HOXA3: variants seen among roughly 807,000 people sequenced by gnomAD.
HOXA3 encodes homeobox A3, also known as homeobox protein Hox-A3.
A neutral mutation model predicts 30.3 loss-of-function variants in HOXA3; 8 were observed. The ratio of observed to expected loss-of-function variants is 0.26; its 90% CI spans 0.15 to 0.48. The LOEUF is 0.48. Among genes scored for constraint, HOXA3 ranks in the 20% least tolerant of loss-of-function variants. The pLI, the probability that HOXA3 is intolerant of heterozygous loss-of-function variation, is 0.99. For missense variants in HOXA3, 653 were observed against 614.4 expected, an observed-to-expected ratio of 1.06 and a Z score of -0.66; for synonymous variants, 323 against 273.1, an observed-to-expected ratio of 1.18 and a Z score of -1.80.
At chr7:27,144,049 T>C (rs1583408752) in intron 1 of HOXA3, among the ~76,000 whole-genome samples, 1 of 152,322 alleles carries the variant, frequency 6.6e-6, no homozygotes, top group East Asian at 1.9e-4. Flanking sequence ...ATGTACCAAT[T>C]GTTAGGCCGT....
intron 3 of HOXA3, among the ~76,000 whole-genome samples, chr7:27,126,442 T>TA (rs35599450): frequency 0.076 from 10,784 of 142,462 alleles, 758 homozygotes; most frequent in African/African-American, 0.19. Context: ...AGGGTTTGCT[T>TA]AAAAAAAAAA....
intron 2 of HOXA3, chr7:27,130,105 C>T (rs1240664797): frequency 2.5e-6 from 4 of 1,590,166 alleles, no homozygotes; most frequent in Non-Finnish European, 3.4e-6. Context: ...GCCTCCCAAG[C>T]GGCGCCACGT....
At chr7:27,126,150 C>G (rs1295511301) in intron 3 of HOXA3, among the ~76,000 whole-genome samples, 1 of 152,184 alleles carries the variant, frequency 6.6e-6, no homozygotes, top group Non-Finnish European at 1.5e-5. Context: ...GGGAAGGAAG[C>G]CTGCAAAGTG....
intron 2 of HOXA3, chr7:27,129,383 T>C: frequency 6.2e-7 from 1 of 1,614,160 alleles, no homozygotes; most frequent in African/African-American, 1.3e-5. Context: ...TTCTTCCACT[T>C]CATCCTCCGG....
intron 2 of HOXA3, among the ~76,000 whole-genome samples, chr7:27,137,604 T>C (rs895018263): frequency 2.0e-5 from 3 of 152,168 alleles, no homozygotes; most frequent in African/African-American, 7.2e-5. Flanking sequence ...ATGCTTCCTA[T>C]GAAAATAGGA....
intron 2 of HOXA3, among the ~76,000 whole-genome samples, chr7:27,133,602 G>T (rs1380505665): frequency 6.6e-6 from 1 of 152,186 alleles, no homozygotes; most frequent in African/African-American, 2.4e-5. Context: ...AATCCCATTA[G>T]GTGAAATAAC....
At chr7:27,147,100 G>A in intron 1 of HOXA3, 1 of 603,358 alleles carries the variant, frequency 1.7e-6, no homozygotes, top group Admixed American at 3.0e-5. Flanking sequence ...AGCTTACATG[G>A]ACACTGGGGC....
At chr7:27,131,051 G>T (rs1042229241) in intron 2 of HOXA3, among the ~76,000 whole-genome samples, 1 of 152,120 alleles carries the variant, frequency 6.6e-6, no homozygotes, top group Non-Finnish European at 1.5e-5. Context: ...CCCTGGGCTG[G>T]GGGAGGGAGC....
intron 4 of HOXA3, among the ~76,000 whole-genome samples, chr7:27,119,017 A>G (rs915620783): frequency 5.3e-5 from 8 of 152,214 alleles, no homozygotes; most frequent in African/African-American, 1.9e-4. Flanking sequence ...TGCAAAATCT[A>G]GAGAAACCTA....
intron 3 of HOXA3, among the ~76,000 whole-genome samples, chr7:27,126,074 T>C (rs576834999): frequency 6.6e-6 from 1 of 152,334 alleles, no homozygotes; most frequent in African/African-American, 2.4e-5. Flanking sequence ...TACTCTACTA[T>C]GCCTGTCACA....
At chr7:27,142,178 C>T in intron 1 of HOXA3, 2 of 1,418,830 alleles carry the variant, frequency 1.4e-6, no homozygotes, top group Non-Finnish European at 1.9e-6. Context: ...GGAACCCAGG[C>T]GAAAAGCTCA....
At chr7:27,151,351 A>T in intron 1 of HOXA3, 1 of 333,406 alleles carries the variant, frequency 3.0e-6, no homozygotes. Flanking sequence ...CCTCCCGGGC[A>T]GCTCCACCAT....
At chr7:27,143,055 T>C (rs1294497866) in intron 1 of HOXA3, 2 of 1,527,888 alleles carry the variant, frequency 1.3e-6, no homozygotes, top group East Asian at 2.3e-5. Flanking sequence ...CCATGACTTA[T>C]GTGCAGCTTG....
chr7:27,129,608 G>A, intron 2 of HOXA3: 2 of 1,604,660 alleles, frequency 1.2e-6, no homozygotes, highest in Non-Finnish European at 8.5e-7. Flanking sequence ...AGGCCAAGGA[G>A]GAGGGAGCGG....
intron 4 of HOXA3, among the ~76,000 whole-genome samples, chr7:27,112,743 G>A (rs981183196): frequency 7.9e-5 from 12 of 152,020 alleles, no homozygotes; most frequent in African/African-American, 2.9e-4. Flanking sequence ...GTCAGGTTAA[G>A]AAAATTAGAC....
chr7:27,145,299 T>C, intron 1 of HOXA3: 1 of 250,598 alleles, frequency 4.0e-6, no homozygotes, highest in Non-Finnish European at 7.7e-6. Context: ...CGTCCCGAGG[T>C]CGGGGAGCTC....
chr7:27,142,863 C>A, intron 1 of HOXA3: 1 of 589,826 alleles, frequency 1.7e-6, no homozygotes, highest in South Asian at 2.5e-5. Flanking sequence ...TATTTGTGAG[C>A]GCAGGGTGCT....
chr7:27,130,002 A>C, intron 2 of HOXA3: 1 of 1,243,930 alleles, frequency 8.0e-7, no homozygotes, highest in Non-Finnish European at 1.1e-6. Flanking sequence ...CCCGGGTCAG[A>C]TGGGGGCTCC....
At position 27,110,452 on chromosome 7, in the gene HOXA3, C is replaced by G. The variant is rs1215827508; in HGVS notation, c.189G>C (p.Lys63Asn). The stretch of plus-strand genomic sequence containing the variant: ...GGCACGCCTCACTCAGTTCGTGTGC[C>G]TTGGGGTGGCCCCCGGCGCTGGAGG... ...QSPSSAGGHP[K>N]AHELSEACLR... The change falls in exon 5 of 6, where the codon AAG (lysine) becomes AAC (asparagine). Residue 63 changes from lysine (K) to asparagine (N), a missense_variant. Physicochemically the swap from Lys to Asn is moderately conservative, Grantham distance 94. This residue lies in a region of HOXA3 where 320 missense variants were observed against 321.9 expected (regional missense o/e 0.99). Transcript: ENST00000612286. 1.3e-6 allele frequency: 2 copies of G among 1,588,618 alleles called. No individual in the cohort carries two copies. The highest frequency in any genetic ancestry group is 1.7e-6 in the Non-Finnish European group (2 of 1,166,086).
Sources: allele counts gnomAD v4.1 joint callset (sites outside exome capture counted in the v4.1 genomes callset), GRCh38; gene constraint gnomAD v4.1.1; regional missense constraint gnomAD v4.1.1; transcripts MANE v1.5; gene names NCBI Gene and HGNC (gene_info 2026-07-23, HGNC 2026-07-21).